Variants in ESRP1 observed in about 807,000 individuals in gnomAD.
ESRP1 encodes the protein RNA-binding motif protein 35A.
A neutral mutation model predicts 81.7 loss-of-function variants in ESRP1; 33 were observed. That is an observed-to-expected ratio of 0.40 (90% CI 0.31 to 0.54). The LOEUF is 0.54. Among genes scored for constraint, ESRP1 ranks in the 20% least tolerant of loss-of-function variants. The probability of loss-of-function intolerance (pLI) is 0.41; values close to 1 mark genes in which losing one functional copy is unlikely to be tolerated. For missense variants in ESRP1, 672 were observed against 833.1 expected, an observed-to-expected ratio of 0.81 and a Z score of 2.38; for synonymous variants, 320 against 303.3, an observed-to-expected ratio of 1.06 and a Z score of -0.57.
chr8:94,667,811 A>G, intron 9 of ESRP1, 138 bp from the exon 10 acceptor site: 1 of 581,788 alleles, frequency 1.7e-6, no homozygotes, highest in Non-Finnish European at 2.9e-6. Flanking sequence ...GATTTCTAGG[A>G]TGTTATTTTG....
chr8:94,659,637 C>T (rs1818618262), intron 4 of ESRP1, among the ~76,000 whole-genome samples: 1 of 152,132 alleles, frequency 6.6e-6, no homozygotes, highest in Non-Finnish European at 1.5e-5. Context: ...TAAGGGAGGC[C>T]AAAAGCCAGG....
Position 94,678,315 on chromosome 8 carries a change from A to G in ESRP1, c.1764A>G (p.Thr588=), listed in dbSNP as rs1158264723. 5 of 1,613,986 alleles carry G rather than the reference A, an allele frequency of 3.1e-6. No individual in the cohort carries two copies. The highest frequency in any genetic ancestry group is 1.7e-6 in the Non-Finnish European group (2 of 1,179,896). ...ATCCACGAGCACTGCAGCCCTCCAC[A>G]GCGTACTACCCAGCAGGCACTCAGC... The part of the protein sequence containing the change: ...ILNPRALQPS[T]AYYPAGTQLF... The change falls in exon 13 of 16, where the codon ACA becomes ACG. Residue 588 remains threonine, a synonymous_variant. Coordinates refer to ENST00000433389, the MANE Select transcript of ESRP1 (RefSeq NM_017697.4).
intron 15 of ESRP1, among the ~76,000 whole-genome samples, chr8:94,701,282 AAAAAAAAG>A (rs1353175524): frequency 1.3e-5 from 2 of 151,092 alleles, no homozygotes; most frequent in Non-Finnish European, 2.9e-5. Flanking sequence ...CTCAAAAAAA[AAAAAAAAG>A]AATTGAGCGA....
chr8:94,653,732 C>A (rs1014079745), intron 4 of ESRP1, among the ~76,000 whole-genome samples: 8 of 152,026 alleles, frequency 5.3e-5, no homozygotes, highest in African/African-American at 1.9e-4. Context: ...TTGTACAAAC[C>A]TTCCCTGCCC....
In ESRP1 at chr8:94,674,459, G is replaced by A. The variant is rs199560412; in HGVS notation, c.1604G>A (p.Gly535Asp). 6 of 1,613,802 alleles carry A rather than the reference G, an allele frequency of 3.7e-6. No homozygotes were observed. The highest frequency in any genetic ancestry group is 2.5e-6 in the Non-Finnish European group (3 of 1,179,832). ...AEEMNFVLMG[G>D]TLNRNGLSPP... Reference sequence around the variant, plus strand: ...GAGATGAACTTTGTGTTAATGGGGGGCACTTTAAATCGAAATGGCTTATCC... The same window carrying A: ...GAGATGAACTTTGTGTTAATGGGGGACACTTTAAATCGAAATGGCTTATCC... The change falls in exon 12 of 16, where the codon GGC (glycine) becomes GAC (aspartate). Residue 535 changes from glycine to aspartate, a missense_variant. Gly to Asp is a moderately conservative substitution (Grantham distance 94). Coordinates refer to ENST00000433389, the MANE Select transcript of ESRP1 (RefSeq NM_017697.4).
At chr8:94,660,709 C>CAAAAAAAAA (rs60316449) in intron 4 of ESRP1, among the ~76,000 whole-genome samples, 2 of 43,542 alleles carry the variant, frequency 4.6e-5, no homozygotes, top group African/African-American at 1.1e-4. Context: ...GAGACTATCT[C>CAAAAAAAAA]AAAAAAAAAA....
chr8:94,642,013 T>G lies in ESRP1; in HGVS notation c.190T>G (p.Cys64Gly), dbSNP rs1461187622. The G allele has an allele frequency of 1.9e-6, 3 of 1,613,998 alleles. No individual in the cohort carries two copies. The highest frequency in any genetic ancestry group is 1.7e-5 in the Admixed American group (1 of 60,034). ...GGATCAGTTGGAACTGACGGAGGAC[T>G]GCAAAGAAGAAACTAAAATAGACGT... ...RPDQLELTED[C>G]KEETKIDVES... The change falls in exon 2 of 16, where the codon TGC (cysteine) becomes GGC (glycine). Residue 64 changes from cysteine (C) to glycine (G), a missense_variant. Physicochemically the swap from Cys to Gly is radical, Grantham distance 159 (BLOSUM62 -3). Coordinates refer to ENST00000433389, the MANE Select transcript of ESRP1 (RefSeq NM_017697.4).
chr8:94,685,765 G>A (rs1273648324), intron 13 of ESRP1, among the ~76,000 whole-genome samples: 2 of 150,512 alleles, frequency 1.3e-5, no homozygotes, highest in Admixed American at 6.7e-5. Flanking sequence ...CTCTCCAGCC[G>A]GGGTGACAGG....
chr8:94,692,372 G>A (rs1483502300), intron 13 of ESRP1, among the ~76,000 whole-genome samples: 1 of 152,120 alleles, frequency 6.6e-6, no homozygotes, highest in Non-Finnish European at 1.5e-5. Context: ...CTGGGCCTCG[G>A]AAGTGGTGCT....
At position 94,674,352 on chromosome 8, in the gene ESRP1, C is replaced by G. The variant is rs763809299; in HGVS notation, c.1497C>G (p.Asp499Glu). The G allele has an allele frequency of 2.5e-6, 4 of 1,613,884 alleles. No homozygotes were observed. The highest frequency in any genetic ancestry group is 3.4e-6 in the Non-Finnish European group (4 of 1,179,882). The change falls in exon 12 of 16, where the codon GAC (aspartate) becomes GAG (glutamate). Residue 499 changes from aspartate (D) to glutamate (E), a missense_variant. Asp to Glu is a conservative substitution (Grantham distance 45). Coordinates refer to ENST00000433389, the MANE Select transcript of ESRP1 (RefSeq NM_017697.4). ...CCTTTATCCAGATGAAGTCTGCGGA[C>G]AGAGCATTTATGGCTGCACAGAAGT... ...GDAFIQMKSA[D>E]RAFMAAQKCH...
intron 4 of ESRP1, among the ~76,000 whole-genome samples, chr8:94,653,210 C>T (rs986066108): frequency 5.9e-5 from 9 of 151,918 alleles, no homozygotes; most frequent in Admixed American, 1.3e-4. Context: ...TATTTCATCA[C>T]TTCTTGGGGG....
intron 13 of ESRP1, 77 bp downstream of exon 13, chr8:94,678,448 A>T: frequency 6.6e-7 from 1 of 1,509,234 alleles, no homozygotes; most frequent in Non-Finnish European, 9.0e-7. Context: ...AGCTCACAAA[A>T]GAATATTGTC....
chr8:94,687,107 AAG>A (rs1809172170), intron 13 of ESRP1, among the ~76,000 whole-genome samples: 1 of 152,168 alleles, frequency 6.6e-6, no homozygotes. Flanking sequence ...TCACTCCAAA[AAG>A]AAACCTTATG....
intron 4 of ESRP1, among the ~76,000 whole-genome samples, chr8:94,651,239 CTT>C (rs35413910): frequency 0.014 from 1,432 of 102,754 alleles, 10 homozygotes; most frequent in Middle Eastern, 0.068. Context: ...ATAGTGTGGT[CTT>C]TTTTTTTTTT....
At chr8:94,685,503 G>A (rs1809102374) in intron 13 of ESRP1, among the ~76,000 whole-genome samples, 1 of 152,048 alleles carries the variant, frequency 6.6e-6, no homozygotes, top group Admixed American at 6.6e-5. Context: ...GTGAGACCCT[G>A]TCTCAGAAAA....
chr8:94,697,555 A>G (rs764660249), intron 15 of ESRP1, among the ~76,000 whole-genome samples: 56 of 152,214 alleles, frequency 3.7e-4, no homozygotes, highest in Non-Finnish European at 7.3e-4. Flanking sequence ...TTATGACTGA[A>G]TAACATTTCA....
chr8:94,646,481 G>T, intron 4 of ESRP1, 199 bp downstream of exon 4: 1 of 424,704 alleles, frequency 2.4e-6, no homozygotes, highest in Non-Finnish European at 4.2e-6. Context: ...ATGGTTGGAC[G>T]GATTTGGAGA....
intron 10 of ESRP1, among the ~76,000 whole-genome samples, chr8:94,670,902 A>G (rs1249181742): frequency 1.3e-5 from 2 of 152,170 alleles, no homozygotes; most frequent in Non-Finnish European, 2.9e-5. Flanking sequence ...TTGTGCTATT[A>G]TTCAGCATTA....
At position 94,643,417 on chromosome 8, in the gene ESRP1, G is replaced by C; in HGVS notation, c.375+1G>C. 6.2e-7 allele frequency: 1 copy of C among 1,603,532 alleles called. No homozygotes were observed. Among genetic ancestry groups the C allele is most frequent in the Non-Finnish European group, 8.5e-7 (1 of 1,170,320 alleles). ...CCTGCATCCTGAGGCTTCCAAGAAGGTAAGAGTGCTGGCTTCTGGGAAAAA... is the reference window on the plus strand; with the variant it reads ...CCTGCATCCTGAGGCTTCCAAGAAGCTAAGAGTGCTGGCTTCTGGGAAAAA... On this transcript the variant is annotated splice_donor_variant, in intron 3 of 15. Transcript: ENST00000433389. LOFTEE classifies it high-confidence loss of function.
Sources: allele counts gnomAD v4.1 joint callset (sites outside exome capture counted in the v4.1 genomes callset), GRCh38; gene constraint gnomAD v4.1.1; transcripts MANE v1.5; gene names NCBI Gene and HGNC (gene_info 2026-07-23, HGNC 2026-07-21).